Variants in LRMDA observed in about 807,000 individuals in gnomAD.
The protein encoded by LRMDA is leucine-rich melanocyte differentiation-associated protein.
LRMDA carries 18 observed loss-of-function variants against 29.8 expected under a neutral mutation model. The ratio of observed to expected loss-of-function variants is 0.60; its 90% CI spans 0.42 to 0.90. The LOEUF is 0.90. Among genes scored for constraint, LRMDA ranks in the 40% least tolerant of loss-of-function variants. The pLI is 0.00. For synonymous variants in LRMDA, 125 were observed against 109.4 expected, an observed-to-expected ratio of 1.14 and a Z score of -0.89; for missense variants, 273 against 273.9, an observed-to-expected ratio of 1.00 and a Z score of 0.02.
In LRMDA at chr10:75,544,844, C is replaced by T. The variant is rs145756099; in HGVS notation, c.131+106350C>T. On this transcript the variant is annotated intron_variant, in intron 2 of 6. Transcript: ENST00000611255. ...AAGGTATACAACTTGTCCTTTTGATCGTAGTGTTATTCTCATTTAGTGCAA... is the reference window on the plus strand; with the variant it reads ...AAGGTATACAACTTGTCCTTTTGATTGTAGTGTTATTCTCATTTAGTGCAA... Among the ~76,000 whole-genome samples, 557 of 152,182 alleles carry T rather than the reference C, an allele frequency of 3.7e-3. 6 individuals are homozygous for T. Among genetic ancestry groups the T allele is most frequent in the African/African-American group, 0.013 (534 of 41,518 alleles).
intron 2 of LRMDA, among the ~76,000 whole-genome samples, chr10:75,563,230 T>C (rs1490047974): frequency 1.3e-5 from 2 of 152,120 alleles, no homozygotes; most frequent in African/African-American, 2.4e-5. Context: ...TATTCGTTTC[T>C]TTTTATTCTT....
chr10:76,276,481 G>T (rs1029342455), intron 5 of LRMDA, among the ~76,000 whole-genome samples: 1 of 152,002 alleles, frequency 6.6e-6, no homozygotes, highest in African/African-American at 2.4e-5. Flanking sequence ...GCATTTTTCA[G>T]ATCTAAAATT....
chr10:76,437,229 A>T (rs892867386), intron 6 of LRMDA, among the ~76,000 whole-genome samples: 1 of 152,216 alleles, frequency 6.6e-6, no homozygotes, highest in African/African-American at 2.4e-5. Flanking sequence ...CCTCTGCCTG[A>T]ACAGCTTAGC....
At chr10:75,806,133 C>T (rs1331177138) in intron 2 of LRMDA, among the ~76,000 whole-genome samples, 3 of 152,134 alleles carry the variant, frequency 2.0e-5, no homozygotes, top group Non-Finnish European at 1.5e-5. Context: ...ACCACCTGAT[C>T]TCATGATAAC....
At position 75,807,010 on chromosome 10, in the gene LRMDA, G is replaced by A. The variant is rs1241987691; in HGVS notation, c.132-228998G>A. 5.9e-5 allele frequency among the ~76,000 whole-genome samples: 9 copies of A among 152,186 alleles called. No homozygotes were observed. In the South Asian group the frequency reaches 6.2e-4, roughly 11 times the overall value. On this transcript the variant is annotated intron_variant, in intron 2 of 6. Coordinates refer to ENST00000611255, the MANE Select transcript of LRMDA (RefSeq NM_001305581.2). ...GTAGCATAAGAATTGCTCTGGTTAC[G>A]TTGATATATAATTTAATTTTCCCCA...
At chr10:75,582,522 G>A (rs1156243024) in intron 2 of LRMDA, among the ~76,000 whole-genome samples, 1 of 152,184 alleles carries the variant, frequency 6.6e-6, no homozygotes, top group Non-Finnish European at 1.5e-5. Context: ...GGCTGGGCAG[G>A]GTAGCAGGGG....
At chr10:76,005,955 A>G (rs1847645636) in intron 2 of LRMDA, among the ~76,000 whole-genome samples, 2 of 151,926 alleles carry the variant, frequency 1.3e-5, no homozygotes, top group Admixed American at 1.3e-4. Flanking sequence ...AAATAAATAA[A>G]TAAATGAACC....
chr10:76,117,320 C>T (rs1849683527), intron 5 of LRMDA, among the ~76,000 whole-genome samples: 1 of 152,132 alleles, frequency 6.6e-6, no homozygotes, highest in African/African-American at 2.4e-5. Flanking sequence ...ACTCTGTCTC[C>T]TGACAGTGGT....
At chr10:75,857,914 C>A (rs1009636553) in intron 2 of LRMDA, among the ~76,000 whole-genome samples, 4 of 152,228 alleles carry the variant, frequency 2.6e-5, no homozygotes, top group African/African-American at 9.7e-5. Context: ...ACTGGCCCTA[C>A]AGGGATTGCT....
intron 5 of LRMDA, among the ~76,000 whole-genome samples, chr10:76,220,821 A>C (rs992572227): frequency 1.3e-5 from 2 of 152,190 alleles, no homozygotes; most frequent in Non-Finnish European, 2.9e-5. Context: ...ACAACCAAAA[A>C]AGAGAACTTT....
At chr10:75,536,746 A>G (rs1839955287) in intron 2 of LRMDA, among the ~76,000 whole-genome samples, 1 of 151,890 alleles carries the variant, frequency 6.6e-6, no homozygotes, top group Non-Finnish European at 1.5e-5. Flanking sequence ...TTTTGTAGAG[A>G]TGGGGGTCTT....
intron 2 of LRMDA, among the ~76,000 whole-genome samples, chr10:75,656,568 A>G (rs989049367): frequency 6.6e-6 from 1 of 152,082 alleles, no homozygotes; most frequent in African/African-American, 2.4e-5. Context: ...AGGCAGGAAG[A>G]TGACTCCCCA....
Position 76,512,367 on chromosome 10 carries a change from A to G in LRMDA, c.602-44842A>G, listed in dbSNP as rs140507988. Among the ~76,000 whole-genome samples, 1,379 of 152,362 alleles carry G rather than the reference A, an allele frequency of 9.1e-3. 12 individuals are homozygous for G. Among genetic ancestry groups the G allele is most frequent in the African/African-American group, 0.029 (1,203 of 41,592 alleles). On this transcript the variant is annotated intron_variant, in intron 6 of 6. Transcript: ENST00000611255. ...GTTATGAAGAAAGTATAGTACTAGT[A>G]TGAGGATAAATGTATAGATCAATGT...
At chr10:75,742,658 C>T (rs767580182) in intron 2 of LRMDA, 7 of 152,200 alleles carry the variant, frequency 4.6e-5, no homozygotes, top group Non-Finnish European at 4.4e-5. Context: ...TGCCAAGGGC[C>T]CTCTGCTCTT....
chr10:76,406,647 G>A (rs1841904807), intron 6 of LRMDA, among the ~76,000 whole-genome samples: 2 of 152,134 alleles, frequency 1.3e-5, no homozygotes, highest in South Asian at 2.1e-4. Context: ...TATGACATCT[G>A]CCCTGCATTG....
intron 3 of LRMDA, among the ~76,000 whole-genome samples, chr10:76,037,441 A>T (rs561924349): frequency 2.0e-5 from 3 of 152,372 alleles, no homozygotes; most frequent in Non-Finnish European, 4.4e-5. Flanking sequence ...TTTAAGAATG[A>T]TTTGCAGAAG....
intron 6 of LRMDA, among the ~76,000 whole-genome samples, chr10:76,484,143 T>C (rs1399663976): frequency 6.6e-6 from 1 of 151,704 alleles, no homozygotes; most frequent in Non-Finnish European, 1.5e-5. Flanking sequence ...TTTTCTTACT[T>C]TTTCTTGTCC....
intron 2 of LRMDA, among the ~76,000 whole-genome samples, chr10:75,498,298 G>A (rs1845071688): frequency 6.6e-6 from 1 of 152,088 alleles, no homozygotes. Flanking sequence ...TTTAAGTTCT[G>A]TATGGCAGGA....
chr10:76,173,179 A>G (rs76692149), intron 5 of LRMDA, among the ~76,000 whole-genome samples: 3,877 of 152,324 alleles, frequency 0.025, 159 homozygotes, highest in African/African-American at 0.089. Context: ...AGAAGAAAAG[A>G]TTAGTGAACC....
Sources: gnomAD v4.1 joint callset for allele counts (sites outside exome capture counted in the v4.1 genomes callset) on GRCh38, gnomAD v4.1.1 for gene constraint, MANE v1.5 for transcripts, NCBI Gene and HGNC (gene_info 2026-07-23, HGNC 2026-07-21) for gene names.